KTN1: variants seen among roughly 807,000 people sequenced by gnomAD.
KTN1 encodes the protein kinectin 1.
KTN1 carries 130 observed loss-of-function variants against 222.5 expected under a neutral mutation model. The observed-to-expected ratio is 0.58, with a 90% CI of 0.51 to 0.68. The LOEUF (loss-of-function observed/expected upper bound fraction) is 0.68. Ranked by LOEUF, KTN1 falls within the 30% of genes least tolerant of loss-of-function variation. The pLI, the probability that KTN1 is intolerant of heterozygous loss-of-function variation, is 0.00. For missense variants in KTN1, 1,508 were observed against 1,500.4 expected, an observed-to-expected ratio of 1.01 and a Z score of -0.08; for synonymous variants, 512 against 496.3, an observed-to-expected ratio of 1.03 and a Z score of -0.42.
At chr14:55,587,225 T>C (rs540946798) in intron 1 of KTN1, among the ~76,000 whole-genome samples, 2 of 152,188 alleles carry the variant, frequency 1.3e-5, no homozygotes, top group Non-Finnish European at 2.9e-5. Flanking sequence ...TTACTTGCCA[T>C]CCTTTATTAG....
At position 55,637,832 on chromosome 14, in the gene KTN1, C is replaced by T. The variant is rs2041316882; in HGVS notation, c.1770C>T (p.Ser590=). ...AAGCTCAAATTCAGCAGTTCCATTC[C>T]CAGATAGCAGCCCAGGTAATGATGC... The part of the protein sequence containing the change: ...ALKAQIQQFH[S]QIAAQTSASV... The change falls in exon 12 of 44, where the codon TCC becomes TCT. Residue 590 remains serine, a synonymous_variant. Transcript: ENST00000395314. The T allele has an allele frequency of 6.2e-7, 1 of 1,610,362 alleles. No homozygotes were observed. The highest frequency in any genetic ancestry group is 8.5e-7 in the Non-Finnish European group (1 of 1,177,540).
At chr14:55,608,426 G>A (rs1345119981) in intron 1 of KTN1, among the ~76,000 whole-genome samples, 1 of 152,098 alleles carries the variant, frequency 6.6e-6, no homozygotes, top group Non-Finnish European at 1.5e-5. Context: ...CAACTCCTTA[G>A]TACTGAACTT....
intron 43 of KTN1, chr14:55,682,046 C>G (rs1216820012): frequency 1.3e-5 from 2 of 152,174 alleles, no homozygotes; most frequent in East Asian, 3.9e-4. Flanking sequence ...AAAATATACA[C>G]AAGTACTTAT....
In KTN1 at chr14:55,648,086, C is replaced by A; in HGVS notation, c.2269C>A (p.Gln757Lys). ...VEELLETGLI[Q>K]VATKEEELNA... Reference sequence around the variant, plus strand: ...AGAATTACTTGAAACTGGACTTATTCAGGTGGCAACTAAAGAAGAGGAGCT... The same window carrying A: ...AGAATTACTTGAAACTGGACTTATTAAGGTGGCAACTAAAGAAGAGGAGCT... The change falls in exon 20 of 44, where the codon CAG becomes AAG. Residue 757 changes from glutamine (Q) to lysine (K), a missense_variant. Transcript: ENST00000395314. 2 of 1,566,796 alleles carry A rather than the reference C, an allele frequency of 1.3e-6. No individual in the cohort carries two copies. Among genetic ancestry groups the A allele is most frequent in the Admixed American group, 1.9e-5 (1 of 52,756 alleles).
chr14:55,661,794 A>G (rs1429750101), intron 32 of KTN1, 182 bp downstream of exon 32: 6 of 396,606 alleles, frequency 1.5e-5, no homozygotes, highest in Non-Finnish European at 2.3e-5. Context: ...TTTTTTTTAA[A>G]TAAGTGAAAA....
intron 43 of KTN1, chr14:55,680,764 T>A: frequency 8.0e-7 from 1 of 1,257,298 alleles, no homozygotes; most frequent in Non-Finnish European, 1.1e-6. Context: ...TAACATGACT[T>A]TCCATATAAT....
In KTN1 at chr14:55,663,976, G is replaced by A. The variant is rs370977896; in HGVS notation, c.3112G>A (p.Glu1038Lys). Residue 1038 changes from glutamate to lysine, a missense_variant, in exon 33 of 44, where the codon GAA becomes AAA. Transcript: ENST00000395314. ...KNNDLREKNW[E>K]AMEALASTEK... ...TTAGGACCTTCGGGAGAAAAACTGG[G>A]AAGCAATGGAAGCATTGGCATCAAC... The A allele has an allele frequency of 5.0e-6, 8 of 1,612,006 alleles. No homozygotes were observed. Among genetic ancestry groups the A allele is most frequent in the Non-Finnish European group, 4.2e-6 (5 of 1,178,464 alleles).
At position 55,621,332 on chromosome 14, in the gene KTN1, C is replaced by G. The variant is rs561256453; in HGVS notation, c.963+2020C>G. Among the ~76,000 whole-genome samples, 427 of 152,300 alleles carry G rather than the reference C, an allele frequency of 2.8e-3. 3 individuals are homozygous for G. In the South Asian group the frequency reaches 0.033, roughly 12 times the overall value. ...TCTGCCTGTTACCCAGTTGTAAAGT[C>G]ACATCCACATTTTCGGGTATCTTTA... On this transcript the variant is annotated intron_variant, in intron 5 of 43. Transcript: ENST00000395314.
chr14:55,595,141 GTGTACTGTA>G (rs568340618), intron 1 of KTN1, among the ~76,000 whole-genome samples: 465 of 152,376 alleles, frequency 3.1e-3, no homozygotes, highest in Non-Finnish European at 5.1e-3. Context: ...GGTTCATCCA[GTGTACTGTA>G]TGTACAGTAT....
Position 55,619,250 on chromosome 14 carries a change from G to A in KTN1, c.901G>A (p.Ala301Thr). ...LKTMMFSEDEALCVVDLLKEK... is the reference protein window; with the variant it reads ...LKTMMFSEDETLCVVDLLKEK... The stretch of plus-strand genomic sequence containing the variant: ...GACTATGATGTTTTCTGAAGATGAG[G>A]CTCTTTGTGTTGTAGACTTGCTAAA... Residue 301 changes from alanine (A) to threonine (T), a missense_variant, in exon 5 of 44, where the codon GCT becomes ACT. Physicochemically the swap from Ala to Thr is moderately conservative, Grantham distance 58. Coordinates refer to ENST00000395314, the MANE Select transcript of KTN1 (RefSeq NM_001079521.2). The A allele has an allele frequency of 1.2e-6, 2 of 1,610,954 alleles. No homozygotes were observed. Among genetic ancestry groups the A allele is most frequent in the Non-Finnish European group, 1.7e-6 (2 of 1,177,380 alleles).
chr14:55,643,170 A>G (rs575314177), intron 18 of KTN1, among the ~76,000 whole-genome samples: 1 of 152,178 alleles, frequency 6.6e-6, no homozygotes, highest in African/African-American at 2.4e-5. Context: ...TCGGCCTCCC[A>G]AAGTGCTGGG....
intron 24 of KTN1, chr14:55,651,536 C>G: frequency 2.7e-6 from 1 of 374,242 alleles, no homozygotes; most frequent in South Asian, 2.2e-5. Context: ...AGAAGTATGA[C>G]TGGTCTGAGT....
At chr14:55,654,312 A>T (rs1262298092) in intron 28 of KTN1, among the ~76,000 whole-genome samples, 1 of 151,162 alleles carries the variant, frequency 6.6e-6, no homozygotes, top group Non-Finnish European at 1.5e-5. Context: ...AACTGTCAAG[A>T]TATTGAGGAT....
At chr14:55,680,465 C>T (rs1330372004) in intron 43 of KTN1, 10 of 358,180 alleles carry the variant, frequency 2.8e-5, no homozygotes, top group Admixed American at 6.9e-5. Context: ...TTCAGATATG[C>T]ACTGAATACT....
At chr14:55,595,892 C>T (rs181344370) in intron 1 of KTN1, among the ~76,000 whole-genome samples, 111 of 152,074 alleles carry the variant, frequency 7.3e-4, no homozygotes, top group Non-Finnish European at 1.1e-3. Context: ...CGGTGGCTCA[C>T]GCCTGTAATC....
At chr14:55,680,818 C>G in intron 43 of KTN1, 1 of 763,696 alleles carries the variant, frequency 1.3e-6, no homozygotes, top group Non-Finnish European at 2.1e-6. Context: ...GTAATTAAGC[C>G]TCAGCTCAAA....
intron 43 of KTN1, chr14:55,681,551 T>A (rs1043865504): frequency 1.3e-5 from 2 of 152,202 alleles, no homozygotes; most frequent in Non-Finnish European, 2.9e-5. Flanking sequence ...ACACTTTTTC[T>A]TTTTGATTTG....
intron 12 of KTN1, among the ~76,000 whole-genome samples, chr14:55,638,786 A>G (rs2140982275): frequency 6.6e-6 from 1 of 151,984 alleles, no homozygotes; most frequent in Admixed American, 6.6e-5. Context: ...TTTAAATAGT[A>G]AACATGAACA....
intron 32 of KTN1, 44 bp from the exon 33 acceptor site, chr14:55,663,911 T>C: frequency 1.4e-6 from 2 of 1,470,362 alleles, no homozygotes; most frequent in Non-Finnish European, 9.4e-7. Context: ...CAAAAATCTT[T>C]CAATAATGGA....
Sources: allele counts gnomAD v4.1 joint callset (sites outside exome capture counted in the v4.1 genomes callset), GRCh38; gene constraint gnomAD v4.1.1; transcripts MANE v1.5; gene names NCBI Gene and HGNC (gene_info 2026-07-23, HGNC 2026-07-21).